PRKN: variants seen among roughly 807,000 people sequenced by gnomAD.
The protein encoded by PRKN is E3 ubiquitin-protein ligase parkin.
PRKN carries 56 observed loss-of-function variants against 59.5 expected under a neutral mutation model. That is an observed-to-expected ratio of 0.94 (90% CI 0.76 to 1.18). PRKN has a LOEUF of 1.18. Among genes scored for constraint, PRKN ranks in the 50% most tolerant of loss-of-function variants. The pLI, the probability that PRKN is intolerant of heterozygous loss-of-function variation, is 0.00. For missense variants in PRKN, 657 were observed against 596.4 expected, an observed-to-expected ratio of 1.10 and a Z score of -1.06; for synonymous variants, 250 against 222.1, an observed-to-expected ratio of 1.13 and a Z score of -1.12.
chr6:162,228,941 C>T (rs912924240), intron 3 of PRKN, among the ~76,000 whole-genome samples: 5 of 152,264 alleles, frequency 3.3e-5, no homozygotes, highest in East Asian at 1.9e-4. Context: ...TGCTGCTTTG[C>T]GGTGTTGTAT....
At chr6:161,698,356 AATT>A (rs1282958989) in intron 7 of PRKN, among the ~76,000 whole-genome samples, 2 of 152,150 alleles carry the variant, frequency 1.3e-5, no homozygotes, top group East Asian at 3.9e-4. Context: ...AGCAAAGGTA[AATT>A]ATTCATCCAT....
chr6:162,651,432 A>C (rs1231996319), intron 1 of PRKN, among the ~76,000 whole-genome samples: 2 of 152,192 alleles, frequency 1.3e-5, no homozygotes, highest in Non-Finnish European at 2.9e-5. Flanking sequence ...AGGAGACTCC[A>C]TCTATTCCTG....
chr6:162,458,501 C>T (rs1791012369), intron 1 of PRKN, among the ~76,000 whole-genome samples: 2 of 151,406 alleles, frequency 1.3e-5, no homozygotes, highest in Non-Finnish European at 2.9e-5. Context: ...TTTCCTCAGA[C>T]AGGAGCATTA....
Position 161,460,783 on chromosome 6 carries a change from T to C in PRKN, c.1084-73906A>G, listed in dbSNP as rs1790176433. ...TTTTTTTTCTTCAGATGGAGTCTCGTTCTGTCGCCAGGCTGGAGTGCAGTG... is the reference window on the plus strand; with the variant it reads ...TTTTTTTTCTTCAGATGGAGTCTCGCTCTGTCGCCAGGCTGGAGTGCAGTG... On this transcript the variant is annotated intron_variant, in intron 9 of 11. Coordinates refer to ENST00000366898, the MANE Select transcript of PRKN (RefSeq NM_004562.3). This position sits in a 1 kb window ranked among gnomAD's most constrained non-coding sequence, Gnocchi z 5.0. Among the ~76,000 whole-genome samples the C allele has an allele frequency of 6.6e-6, 1 of 151,284 alleles. No homozygotes were observed. The highest frequency in any genetic ancestry group is 6.6e-5 in the Admixed American group (1 of 15,168).
intron 1 of PRKN, among the ~76,000 whole-genome samples, chr6:162,482,506 CA>C (rs1405174005): frequency 1.3e-5 from 2 of 152,234 alleles, no homozygotes; most frequent in East Asian, 1.9e-4. Flanking sequence ...GAGAGTGCAT[CA>C]GGGGTTAAGC....
At chr6:162,109,170 G>A (rs192331445) in intron 4 of PRKN, among the ~76,000 whole-genome samples, 2 of 152,324 alleles carry the variant, frequency 1.3e-5, no homozygotes, top group African/African-American at 2.4e-5. Flanking sequence ...ACCCTGGTGG[G>A]TGTGTCATAT....
chr6:161,553,981 A>T (rs1433187533), intron 8 of PRKN, among the ~76,000 whole-genome samples: 1 of 152,210 alleles, frequency 6.6e-6, no homozygotes, highest in Non-Finnish European at 1.5e-5. Context: ...CTTCTTAAAA[A>T]TTTCAAGACC....
intron 4 of PRKN, among the ~76,000 whole-genome samples, chr6:162,096,700 T>A (rs562927145): frequency 2.0e-5 from 3 of 152,076 alleles, no homozygotes; most frequent in African/African-American, 4.8e-5. Flanking sequence ...CCATGTAAGA[T>A]GTGCCTTTGC....
intron 4 of PRKN, among the ~76,000 whole-genome samples, chr6:162,195,748 T>C (rs553191023): frequency 6.6e-6 from 1 of 152,288 alleles, no homozygotes; most frequent in Admixed American, 6.5e-5. Context: ...TGGCTTCTGA[T>C]TCATTTTAAG....
chr6:161,616,703 T>C lies in PRKN; in HGVS notation c.872-47287A>G, dbSNP rs571792880. 6.6e-5 allele frequency among the ~76,000 whole-genome samples: 10 copies of C among 152,222 alleles called. No homozygotes were observed. The South Asian group carries it at 8.3e-4, about 13-fold the overall frequency. On this transcript the variant is annotated intron_variant, in intron 7 of 11. Transcript: ENST00000366898. ...TGTGTCAGTTTGCTGAGAGTGATGG[T>C]TTCCAGCTTCATCCATGTCCCTGCA...
chr6:161,852,353 G>A (rs897031441), intron 6 of PRKN, among the ~76,000 whole-genome samples: 3 of 151,934 alleles, frequency 2.0e-5, no homozygotes, highest in Non-Finnish European at 4.4e-5. Flanking sequence ...CTCGGGAGTT[G>A]GAGGCGGGAG....
intron 4 of PRKN, among the ~76,000 whole-genome samples, chr6:162,114,202 T>C (rs193011248): frequency 6.6e-6 from 1 of 152,260 alleles, no homozygotes; most frequent in East Asian, 1.9e-4. Flanking sequence ...ATGCGGGCTC[T>C]TTTTTGGTTC....
intron 2 of PRKN, among the ~76,000 whole-genome samples, chr6:162,438,810 A>C (rs903735793): frequency 2.0e-5 from 3 of 152,164 alleles, no homozygotes; most frequent in African/African-American, 7.2e-5. Context: ...AGCTTTATAA[A>C]TCCATCTATA....
chr6:162,485,056 C>A (rs1401974961), intron 1 of PRKN, among the ~76,000 whole-genome samples: 1 of 152,112 alleles, frequency 6.6e-6, no homozygotes, highest in African/African-American at 2.4e-5. Flanking sequence ...AATTCTATAA[C>A]ATAAAAAATA....
chr6:162,563,128 CT>C (rs1779916089), intron 1 of PRKN, among the ~76,000 whole-genome samples: 1 of 152,134 alleles, frequency 6.6e-6, no homozygotes, highest in South Asian at 2.1e-4. Context: ...CAGTGAAACC[CT>C]GTCTTTACTA....
At chr6:162,000,502 CTGTT>C (rs1251760893) in intron 5 of PRKN, among the ~76,000 whole-genome samples, 1 of 151,808 alleles carries the variant, frequency 6.6e-6, no homozygotes, top group Non-Finnish European at 1.5e-5. Context: ...ATCAGGTTGT[CTGTT>C]TTTGTATTGT....
chr6:162,177,448 G>T (rs1470046487), intron 4 of PRKN, among the ~76,000 whole-genome samples: 1 of 152,154 alleles, frequency 6.6e-6, no homozygotes, highest in South Asian at 2.1e-4. Flanking sequence ...TAATGAGAGT[G>T]CATTGCATTA....
At chr6:162,353,544 C>T (rs1426029332) in intron 2 of PRKN, among the ~76,000 whole-genome samples, 1 of 151,944 alleles carries the variant, frequency 6.6e-6, no homozygotes, top group Non-Finnish European at 1.5e-5. Flanking sequence ...CATATGTATA[C>T]TTAATTTTTT....
In PRKN at chr6:162,061,729, C is replaced by T. The variant is rs575350728; in HGVS notation, c.535-7555G>A. ...ACCAGGAAAAAGAACGAAAAAAATT[C>T]GTTAAACCAAAATATTCATCCACTT... On this transcript the variant is annotated intron_variant, in intron 4 of 11. Transcript: ENST00000366898. Among the ~76,000 whole-genome samples, 14 of 152,256 alleles carry T rather than the reference C, an allele frequency of 9.2e-5. 1 individual carries two copies. Among genetic ancestry groups the T allele is most frequent in the South Asian group, 4.1e-4 (2 of 4,824 alleles).
Sources: allele counts gnomAD v4.1 joint callset (sites outside exome capture counted in the v4.1 genomes callset), GRCh38; gene constraint gnomAD v4.1.1; non-coding constraint Gnocchi (gnomAD v3.1); transcripts MANE v1.5; gene names NCBI Gene and HGNC (gene_info 2026-07-23, HGNC 2026-07-21).